The following CADM2 variants were observed in gnomAD, a reference collection of about 807,000 sequenced individuals.
The protein encoded by CADM2 is cell adhesion molecule 2, also known as immunoglobulin superfamily member 4D.
A neutral mutation model predicts 49.8 loss-of-function variants in CADM2; 12 were observed. The ratio of observed to expected loss-of-function variants is 0.24; its 90% CI spans 0.15 to 0.39. The LOEUF (loss-of-function observed/expected upper bound fraction) is 0.39, where lower values mean the gene tolerates loss of function less well. Among genes scored for constraint, CADM2 ranks in the 10% least tolerant of loss-of-function variants. CADM2 has a pLI of 1.00. For synonymous variants in CADM2, 214 were observed against 175.4 expected (o/e 1.22, Z -1.74); for missense variants, 378 against 492.3 (o/e 0.77, Z 2.20).
intron 1 of CADM2, among the ~76,000 whole-genome samples, chr3:85,674,270 C>T (rs1377712728): frequency 6.6e-6 from 1 of 152,152 alleles, no homozygotes; most frequent in East Asian, 1.9e-4. Flanking sequence ...CATCTCCATG[C>T]TAGCACACCC....
intron 1 of CADM2, among the ~76,000 whole-genome samples, chr3:85,458,424 T>A (rs2038094195): frequency 6.6e-6 from 1 of 152,176 alleles, no homozygotes; most frequent in South Asian, 2.1e-4. Flanking sequence ...TGCAACACAG[T>A]GATCTAAAAG....
intron 2 of CADM2, among the ~76,000 whole-genome samples, chr3:85,768,734 C>T (rs1041626256): frequency 1.5e-5 from 2 of 132,660 alleles, no homozygotes; most frequent in Non-Finnish European, 3.0e-5. Context: ...TATATATACA[C>T]ATATATACAC....
intron 1 of CADM2, among the ~76,000 whole-genome samples, chr3:85,103,249 G>A (rs981888953): frequency 1.3e-5 from 2 of 152,000 alleles, no homozygotes; most frequent in African/African-American, 4.8e-5. Context: ...TGGTTTCCTG[G>A]CAGTTTCTAA....
intron 8 of CADM2, chr3:85,992,328 TAA>T (rs1487252210): frequency 3.3e-5 from 5 of 152,140 alleles, no homozygotes; most frequent in Admixed American, 2.6e-4. Context: ...CTGTATTTCT[TAA>T]GTTTTTAGTA....
intron 5 of CADM2, among the ~76,000 whole-genome samples, chr3:85,905,659 G>C (rs1199723275): frequency 6.6e-6 from 1 of 151,800 alleles, no homozygotes; most frequent in South Asian, 2.1e-4. Context: ...AACAGAAAAA[G>C]AAAAATAATT....
chr3:85,950,720 A>G (rs1723327084), intron 7 of CADM2, among the ~76,000 whole-genome samples: 1 of 151,292 alleles, frequency 6.6e-6, no homozygotes, highest in South Asian at 2.1e-4. Flanking sequence ...TAATCAGAAT[A>G]GAAGTCCATT....
chr3:86,018,567 AT>A (rs1471561438), intron 8 of CADM2, among the ~76,000 whole-genome samples: 1 of 152,196 alleles, frequency 6.6e-6, no homozygotes, highest in Non-Finnish European at 1.5e-5. Context: ...AATGATTGCC[AT>A]TCTAACTGGT....
intron 1 of CADM2, among the ~76,000 whole-genome samples, chr3:85,523,611 A>G (rs993348530): frequency 2.6e-5 from 4 of 152,070 alleles, no homozygotes; most frequent in African/African-American, 9.7e-5. Context: ...TTCAATTACA[A>G]CAATCCTCAG....
intron 1 of CADM2, among the ~76,000 whole-genome samples, chr3:85,672,977 A>G (rs993708987): frequency 6.6e-6 from 1 of 152,230 alleles, no homozygotes; most frequent in Non-Finnish European, 1.5e-5. Flanking sequence ...TTGACTAAAT[A>G]GAAGAGCTGT....
rs570169227 is a variant in CADM2 at position 85,295,953 on chromosome 3, A to G, written c.61+336285A>G. Among the ~76,000 whole-genome samples, 19 of 152,140 alleles carry G rather than the reference A, an allele frequency of 1.2e-4. No individual in the cohort carries two copies. In the South Asian group the frequency reaches 1.7e-3, roughly 13 times the overall value. On this transcript the variant is annotated intron_variant, in intron 1 of 9. Coordinates refer to ENST00000383699, the MANE Select transcript of CADM2 (RefSeq NM_001167675.2). ...AAAAAAAAGAAAAAAAGAAGAAGAA[A>G]AAAAAAGTAGTAAACCTAGTATATA... is the stretch of plus-strand genomic sequence containing the variant.
rs1559791890 is a variant in CADM2, at chr3:85,999,272, G to GGC, written c.970+37626_970+37627insCG. Among the ~76,000 whole-genome samples, 340 of 145,026 alleles carry GGC rather than the reference G, an allele frequency of 2.3e-3. 10 individuals carry two copies. Among genetic ancestry groups the GGC allele is most frequent in the Middle Eastern group, 7.5e-3 (2 of 268 alleles). The stretch of plus-strand genomic sequence containing the variant: ...CCATCACTTTGGGAGGCCGAGGGTT[G>GGC]GGGGGTGGATCACTTGAGTTCAGGA... On this transcript the variant is annotated intron_variant, in intron 8 of 9. Coordinates refer to ENST00000383699, the MANE Select transcript of CADM2 (RefSeq NM_001167675.2).
chr3:85,173,378 C>T (rs1030101288), intron 1 of CADM2, among the ~76,000 whole-genome samples: 1 of 152,074 alleles, frequency 6.6e-6, no homozygotes, highest in African/African-American at 2.4e-5. Context: ...TAACTTCTAT[C>T]TCATGTAACA....
chr3:85,231,455 T>A (rs1221243514), intron 1 of CADM2, among the ~76,000 whole-genome samples: 3 of 150,756 alleles, frequency 2.0e-5, no homozygotes, highest in African/African-American at 2.4e-5. Context: ...CAGAAGAGGA[T>A]GGATATAAGA....
chr3:85,219,995 A>G (rs780753222), intron 1 of CADM2, among the ~76,000 whole-genome samples: 16 of 152,170 alleles, frequency 1.1e-4, no homozygotes, highest in Non-Finnish European at 1.5e-4. Flanking sequence ...TAGGAGGTAT[A>G]ATGGAGATAG....
At chr3:85,541,744 TTTTATATA>T (rs199658432) in intron 1 of CADM2, among the ~76,000 whole-genome samples, 71,150 of 126,410 alleles carry the variant, frequency 0.56, 22,078 homozygotes, top group East Asian at 0.91. Flanking sequence ...TATATATATA[TTTTATATA>T]TTTTATATAT....
In CADM2 at chr3:86,012,609, C is replaced by T. The variant is rs1456219803; in HGVS notation, c.970+50962C>T. On this transcript the variant is annotated intron_variant, in intron 8 of 9. Transcript: ENST00000383699. ...CAACTGCACGCGAAGCGCACGCAGTCCGACCTGGCCTTCTTCAGGTTCCCG... is the reference window on the plus strand; with the variant it reads ...CAACTGCACGCGAAGCGCACGCAGTTCGACCTGGCCTTCTTCAGGTTCCCG... 5 of 1,580,560 alleles carry T rather than the reference C, an allele frequency of 3.2e-6. No homozygotes were observed. The Admixed American group carries it at 8.7e-5, about 27-fold the overall frequency.
chr3:85,526,951 T>A (rs1372880467), intron 1 of CADM2, among the ~76,000 whole-genome samples: 3 of 152,190 alleles, frequency 2.0e-5, no homozygotes, highest in Non-Finnish European at 2.9e-5. Flanking sequence ...TGTGATTTTT[T>A]AACGCTCTTT....
intron 2 of CADM2, among the ~76,000 whole-genome samples, chr3:85,799,805 T>C (rs890739182): frequency 9.9e-5 from 15 of 152,164 alleles, no homozygotes; most frequent in African/African-American, 3.6e-4. Context: ...AGCTCTCCTG[T>C]ATGAGGTGTC....
intron 1 of CADM2, among the ~76,000 whole-genome samples, chr3:85,416,480 A>G (rs935556282): frequency 1.3e-5 from 2 of 152,208 alleles, no homozygotes; most frequent in Non-Finnish European, 2.9e-5. Flanking sequence ...ACATATCACA[A>G]TGACTTATAC....
Sources: allele counts gnomAD v4.1 joint callset (sites outside exome capture counted in the v4.1 genomes callset), GRCh38; gene constraint gnomAD v4.1.1; transcripts MANE v1.5; gene names NCBI Gene and HGNC (gene_info 2026-07-23, HGNC 2026-07-21).